DNAJC1: variants seen among roughly 807,000 people sequenced by gnomAD.
The protein encoded by DNAJC1 is dnaJ homolog subfamily C member 1.
In DNAJC1, 58 loss-of-function variants were observed where a neutral mutation model predicts 76.6. The observed-to-expected ratio is 0.76, with a 90% CI of 0.61 to 0.94. DNAJC1 has a LOEUF of 0.94. Among genes scored for constraint, DNAJC1 ranks in the 40% least tolerant of loss-of-function variants. The pLI, the probability that DNAJC1 is intolerant of heterozygous loss-of-function variation, is 0.00. For missense variants in DNAJC1, 689 were observed against 677.3 expected (o/e 1.02, Z -0.19); for synonymous variants, 258 against 267.9 (o/e 0.96, Z 0.36).
chr10:21,794,815 A>G (rs548942804), intron 9 of DNAJC1, among the ~76,000 whole-genome samples: 14 of 152,322 alleles, frequency 9.2e-5, no homozygotes, highest in African/African-American at 3.4e-4. Flanking sequence ...TGCAAATCAT[A>G]TATTTGATGA....
At chr10:21,835,019 A>T (rs1313489201) in intron 8 of DNAJC1, among the ~76,000 whole-genome samples, 1 of 152,222 alleles carries the variant, frequency 6.6e-6, no homozygotes, top group African/African-American at 2.4e-5. Context: ...GAGAATGGGC[A>T]GACTGCCTCC....
chr10:21,873,029 T>C (rs183042431), intron 8 of DNAJC1, among the ~76,000 whole-genome samples: 94 of 152,318 alleles, frequency 6.2e-4, no homozygotes, highest in Non-Finnish European at 1.2e-3. Context: ...AGACATTGTA[T>C]GGAAAAGCAC....
chr10:21,881,718 T>C (rs1053740819), intron 8 of DNAJC1, among the ~76,000 whole-genome samples: 1 of 151,766 alleles, frequency 6.6e-6, no homozygotes, highest in Non-Finnish European at 1.5e-5. Context: ...GTTATAGTAA[T>C]GAAAAGTTTG....
At chr10:21,882,163 A>G in intron 8 of DNAJC1, 119 bp downstream of exon 8, 1 of 1,001,924 alleles carries the variant, frequency 1.0e-6, no homozygotes, top group Non-Finnish European at 1.4e-6. Context: ...CAAACAAAAC[A>G]AAACAATAGT....
At chr10:21,805,952 T>C in intron 9 of DNAJC1, 28 bp downstream of exon 9, 5 of 1,610,882 alleles carry the variant, frequency 3.1e-6, no homozygotes, top group Non-Finnish European at 4.2e-6. Context: ...TTTCTCTCTC[T>C]ATACAATGCA....
intron 1 of DNAJC1, among the ~76,000 whole-genome samples, chr10:21,967,854 T>C (rs971462954): frequency 7.9e-5 from 12 of 152,128 alleles, no homozygotes; most frequent in African/African-American, 2.9e-4. Flanking sequence ...AACACAAAGG[T>C]GTCACACATG....
At chr10:21,950,292 C>T (rs1200733928) in intron 1 of DNAJC1, among the ~76,000 whole-genome samples, 1 of 152,066 alleles carries the variant, frequency 6.6e-6, no homozygotes, top group Admixed American at 6.5e-5. Context: ...TTATTATTAC[C>T]TCTGTTATAG....
intron 8 of DNAJC1, 146 bp from the exon 9 acceptor site, chr10:21,806,245 A>G: frequency 1.1e-6 from 1 of 888,320 alleles, no homozygotes. Context: ...ACTAAATTGT[A>G]TCTAATAGTT....
At position 22,003,241 on chromosome 10, in the gene DNAJC1, T is replaced by A; in HGVS notation, c.194A>T (p.Asn65Ile). The A allele has an allele frequency of 6.4e-7, 1 of 1,570,598 alleles. No individual in the cohort carries two copies. The highest frequency in any genetic ancestry group is 1.2e-5 in the South Asian group (1 of 84,934). The stretch of plus-strand genomic sequence containing the variant: ...CTGCACCCCGAGGAACTGGTAGAAG[T>A]TGAGCTGCACCTCCTCCACTAAGTC... ...LFDLVEEVQL[N>I]FYQFLGVQQD... Residue 65 changes from asparagine to isoleucine, a missense_variant, in exon 1 of 12, where the codon AAC becomes ATC. Coordinates refer to ENST00000376980, the MANE Select transcript of DNAJC1 (RefSeq NM_022365.4).
chr10:21,938,018 T>C (rs1170024642), intron 1 of DNAJC1, among the ~76,000 whole-genome samples: 1 of 152,136 alleles, frequency 6.6e-6, no homozygotes, highest in Non-Finnish European at 1.5e-5. Context: ...GAAAAGCTCT[T>C]TCTTCCTTTA....
At chr10:21,886,944 C>T (rs113206422) in intron 7 of DNAJC1, among the ~76,000 whole-genome samples, 2 of 152,044 alleles carry the variant, frequency 1.3e-5, no homozygotes, top group Non-Finnish European at 2.9e-5. Flanking sequence ...AGAGAGGAAG[C>T]CAAACTGTCC....
At chr10:21,917,761 A>G (rs1401913384) in intron 6 of DNAJC1, among the ~76,000 whole-genome samples, 1 of 152,060 alleles carries the variant, frequency 6.6e-6, no homozygotes, top group Admixed American at 6.5e-5. Flanking sequence ...TCTATAAGCA[A>G]TAACTATTAA....
intron 3 of DNAJC1, among the ~76,000 whole-genome samples, chr10:21,922,771 C>T (rs539619891): frequency 4.0e-4 from 61 of 152,072 alleles, no homozygotes; most frequent in Admixed American, 6.5e-4. Flanking sequence ...TCTCAATCCA[C>T]ATTCTACTTC....
intron 8 of DNAJC1, among the ~76,000 whole-genome samples, chr10:21,823,973 A>G (rs1835201415): frequency 6.6e-6 from 1 of 152,222 alleles, no homozygotes; most frequent in East Asian, 1.9e-4. Context: ...AACTAGATAC[A>G]ATAAATGTAT....
intron 1 of DNAJC1, among the ~76,000 whole-genome samples, chr10:21,986,893 G>A (rs566288304): frequency 7.2e-5 from 11 of 151,994 alleles, no homozygotes; most frequent in South Asian, 6.2e-4. Flanking sequence ...TCAGCCTCCC[G>A]AGTAGTTGGG....
At chr10:21,963,223 G>C (rs1688115495) in intron 1 of DNAJC1, among the ~76,000 whole-genome samples, 1 of 152,150 alleles carries the variant, frequency 6.6e-6, no homozygotes, top group Admixed American at 6.5e-5. Flanking sequence ...TTTATAATTA[G>C]TACAGCTATT....
intron 9 of DNAJC1, among the ~76,000 whole-genome samples, chr10:21,769,391 T>C (rs1351459039): frequency 1.3e-5 from 2 of 152,210 alleles, no homozygotes; most frequent in African/African-American, 4.8e-5. Flanking sequence ...GAGGTAGGCA[T>C]AGAATGGTTA....
chr10:21,808,361 T>A (rs78311103), intron 8 of DNAJC1, among the ~76,000 whole-genome samples: 2,450 of 152,284 alleles, frequency 0.016, 61 homozygotes, highest in African/African-American at 0.056. Context: ...AATGAGTGTG[T>A]AAAAGCATAG....
At chr10:21,908,203 AT>A (rs1836787641) in intron 6 of DNAJC1, among the ~76,000 whole-genome samples, 1 of 94,668 alleles carries the variant, frequency 1.1e-5, no homozygotes, top group African/African-American at 4.5e-5. Flanking sequence ...TATTATATAT[AT>A]AAAATATATA....
Sources: gnomAD v4.1 joint callset for allele counts (sites outside exome capture counted in the v4.1 genomes callset) on GRCh38, gnomAD v4.1.1 for gene constraint, MANE v1.5 for transcripts, NCBI Gene and HGNC (gene_info 2026-07-23, HGNC 2026-07-21) for gene names.